The following ZNF41 variants were observed in gnomAD, a reference collection of about 807,000 sequenced individuals.
ZNF41 encodes the protein zinc finger protein 41.
Under a neutral mutation model 9.3 loss-of-function variants are expected in ZNF41, and 6 were observed. The observed-to-expected ratio is 0.65, with a 90% CI of 0.35 to 1.28. The LOEUF is 1.28. Ranked by LOEUF, ZNF41 falls within the 50% of genes most tolerant of loss-of-function variation. ZNF41 has a pLI of 0.03. For synonymous variants in ZNF41, 192 were observed against 207.1 expected, an observed-to-expected ratio of 0.93 and a Z score of 0.63; for missense variants, 523 against 585.8, an observed-to-expected ratio of 0.89 and a Z score of 1.11.
intron 2 of ZNF41, among the ~76,000 whole-genome samples, chrX:47,460,129 G>A (rs1377900829): frequency 1.8e-5 from 2 of 111,140 alleles, no homozygotes; most frequent in Non-Finnish European, 3.8e-5. Flanking sequence ...AGCTGAGTGG[G>A]GTGGCAAGCA....
chrX:47,461,137 G>A (rs182475809), intron 2 of ZNF41, among the ~76,000 whole-genome samples: 172 of 99,429 alleles, frequency 1.7e-3, no homozygotes, highest in Middle Eastern at 0.016. Context: ...TAACTCTGTC[G>A]CCCAGGCTGG....
intron 2 of ZNF41, among the ~76,000 whole-genome samples, chrX:47,457,863 A>G (rs1317715536): frequency 9.1e-6 from 1 of 110,426 alleles, no homozygotes; most frequent in East Asian, 2.8e-4. Flanking sequence ...ACAAACAAAA[A>G]GAAGGTGTTC....
At chrX:47,470,291 A>G (rs1175738270) in intron 1 of ZNF41, among the ~76,000 whole-genome samples, 1 of 108,429 alleles carries the variant, frequency 9.2e-6, no homozygotes, top group African/African-American at 3.4e-5. Context: ...GTGTGCCTGT[A>G]ATCCCAGCTA....
At chrX:47,454,978 G>T (rs2056500408) in intron 4 of ZNF41, among the ~76,000 whole-genome samples, 1 of 111,300 alleles carries the variant, frequency 9.0e-6, no homozygotes, top group African/African-American at 3.3e-5. Context: ...AGGCGCGGTG[G>T]CTCATGCTTG....
At chrX:47,457,207 C>T (rs557762898) in intron 2 of ZNF41, among the ~76,000 whole-genome samples, 38 of 110,811 alleles carry the variant, frequency 3.4e-4, no homozygotes, top group South Asian at 2.6e-3. Flanking sequence ...GTCAGGAGTT[C>T]GAGACCAGCC....
In ZNF41 at chrX:47,448,419, T is replaced by A; in HGVS notation, c.1351A>T (p.Lys451Ter). 2 of 1,211,928 alleles carry A rather than the reference T, an allele frequency of 1.7e-6. No individual in the cohort carries two copies. Among genetic ancestry groups the A allele is most frequent in the Non-Finnish European group, 2.2e-6 (2 of 895,609 alleles). Residue 451 changes from lysine (K) to a stop codon, truncating the protein, a stop_gained, in exon 5 of 5, where the codon AAA (lysine) becomes TAA (stop). Transcript: ENST00000684689. LOFTEE classifies it low-confidence loss of function (END_TRUNC). ...CADCGKAFIQ[K>*]SHFNTHQRIH... The stretch of plus-strand genomic sequence containing the variant: ...CTCTGATGTGTGTTGAAATGTGATT[T>A]CTGGATGAAGGCCTTCCCACAGTCA...
At chrX:47,457,278 C>T (rs1326535754) in intron 2 of ZNF41, among the ~76,000 whole-genome samples, 15 of 110,303 alleles carry the variant, frequency 1.4e-4, no homozygotes, top group South Asian at 3.9e-4. Context: ...GGCGTGGTGG[C>T]GCACGCCCGT....
chrX:47,467,942 T>C (rs1381448414), intron 1 of ZNF41, among the ~76,000 whole-genome samples, 182 bp from the exon 2 acceptor site: 1 of 112,206 alleles, frequency 8.9e-6, no homozygotes, highest in Non-Finnish European at 1.9e-5. Flanking sequence ...TGAAAATACC[T>C]ATCTCATAGG....
chrX:47,469,619 C>T (rs1385264162), intron 1 of ZNF41, among the ~76,000 whole-genome samples: 1 of 111,984 alleles, frequency 8.9e-6, no homozygotes, highest in East Asian at 2.8e-4. Context: ...ATGACTCACG[C>T]CTGTAATTCC....
intron 2 of ZNF41, among the ~76,000 whole-genome samples, chrX:47,462,461 T>C (rs760898460): frequency 9.0e-6 from 1 of 111,185 alleles, no homozygotes; most frequent in South Asian, 3.8e-4. Context: ...TTTCTTTGAC[T>C]CTACCTGGAT....
chrX:47,465,219 G>C (rs758309971), intron 2 of ZNF41, among the ~76,000 whole-genome samples: 2 of 112,699 alleles, frequency 1.8e-5, no homozygotes, highest in African/African-American at 6.4e-5. Flanking sequence ...TTTTATCATA[G>C]CAGTTTTAAT....
intron 2 of ZNF41, 114 bp from the exon 3 acceptor site, chrX:47,456,512 A>C: frequency 9.4e-7 from 1 of 1,059,454 alleles, no homozygotes; most frequent in Non-Finnish European, 1.3e-6. Context: ...TAGGGTTTTC[A>C]CTAAGTACTT....
chrX:47,457,239 G>A lies in ZNF41; in HGVS notation c.73-841C>T, dbSNP rs193181064. 3.5e-3 allele frequency among the ~76,000 whole-genome samples: 384 copies of A among 109,405 alleles called. 5 individuals carry two copies. The highest frequency in any genetic ancestry group is 0.012 in the African/African-American group (361 of 30,095). ...AGCCTGACCAATATGGTAAAGCCCCGTCTCTACTAAAAATACAAAAGTTAG... is the reference window on the plus strand; with the variant it reads ...AGCCTGACCAATATGGTAAAGCCCCATCTCTACTAAAAATACAAAAGTTAG... On this transcript the variant is annotated intron_variant, in intron 2 of 4. Transcript: ENST00000684689.
At chrX:47,461,387 C>T (rs1175477796) in intron 2 of ZNF41, among the ~76,000 whole-genome samples, 4 of 106,349 alleles carry the variant, frequency 3.8e-5, no homozygotes, top group African/African-American at 6.9e-5. Context: ...CTTGAGCCAC[C>T]GCGCCTGGCC....
chrX:47,458,766 GTT>G (rs1290103860), intron 2 of ZNF41, among the ~76,000 whole-genome samples: 5 of 103,616 alleles, frequency 4.8e-5, no homozygotes, highest in African/African-American at 1.4e-4. Flanking sequence ...ATGCTGCTTC[GTT>G]TTTTTTTTGT....
intron 2 of ZNF41, among the ~76,000 whole-genome samples, chrX:47,460,269 GTATA>G (rs1005294099): frequency 3.6e-5 from 4 of 111,446 alleles, no homozygotes; most frequent in African/African-American, 1.3e-4. Context: ...CATTTCAAAA[GTATA>G]TATAAATTCC....
Position 47,446,185 on chromosome X carries a change from A to G in ZNF41, c.*1245T>C, listed in dbSNP as rs776809551. 1 of 112,041 alleles carries G rather than the reference A, an allele frequency of 8.9e-6. No individual in the cohort carries two copies. Among genetic ancestry groups the G allele is most frequent in the South Asian group, 3.7e-4 (1 of 2,681 alleles). The allele number at this position is 112,041 out of a possible 1,213,427, so 9.2% of individuals were successfully genotyped here. A position where few individuals can be genotyped will look rare whatever the true frequency, so the allele number is the denominator to read the frequency against. On this transcript the variant is annotated 3_prime_UTR_variant, in exon 5 of 5. Transcript: ENST00000684689. ...CATGCTAGAAAGAAAGTTCCTTTTTATGAGTATTGTAAAAAATGTTTAAGG... is the reference window on the plus strand; with the variant it reads ...CATGCTAGAAAGAAAGTTCCTTTTTGTGAGTATTGTAAAAAATGTTTAAGG...
chrX:47,463,048 A>T lies in ZNF41; in HGVS notation c.72+4362T>A, dbSNP rs192787768. On this transcript the variant is annotated intron_variant, in intron 2 of 4. Coordinates refer to ENST00000684689, the MANE Select transcript of ZNF41 (RefSeq NM_001324144.2). Reference sequence around the variant, plus strand: ...GACATGGGGTTTCACCATGTTGCCCAGGCTGGTCTTCAAACAATCCTCCCG... The same window carrying T: ...GACATGGGGTTTCACCATGTTGCCCTGGCTGGTCTTCAAACAATCCTCCCG... 1.6e-3 allele frequency among the ~76,000 whole-genome samples: 176 copies of T among 109,898 alleles called. 1 individual carries two copies. Among genetic ancestry groups the T allele is most frequent in the African/African-American group, 5.6e-3 (168 of 30,222 alleles).
chrX:47,465,721 C>T (rs1323269779), intron 2 of ZNF41, among the ~76,000 whole-genome samples: 2 of 110,418 alleles, frequency 1.8e-5, no homozygotes, highest in East Asian at 2.8e-4. Context: ...GTGGGAGGAT[C>T]GCCTGAGCCC....
Sources: gnomAD v4.1 joint callset for allele counts (sites outside exome capture counted in the v4.1 genomes callset) on GRCh38, gnomAD v4.1.1 for gene constraint, MANE v1.5 for transcripts, NCBI Gene and HGNC (gene_info 2026-07-23, HGNC 2026-07-21) for gene names.